AOPEP: variants seen among roughly 807,000 people sequenced by gnomAD.
AOPEP encodes aminopeptidase O.
A neutral mutation model predicts 98.1 loss-of-function variants in AOPEP; 77 were observed. The ratio of observed to expected loss-of-function variants is 0.78; its 90% CI spans 0.65 to 0.95. AOPEP has a LOEUF of 0.95. Ranked by LOEUF, AOPEP falls within the 40% of genes least tolerant of loss-of-function variation. The pLI is 0.00. For missense variants in AOPEP, 1,024 were observed against 1,024.7 expected (o/e 1.00, Z 0.01); for synonymous variants, 346 against 365.3 (o/e 0.95, Z 0.60).
At chr9:95,104,946 GTC>G in the AOPEP span, among the ~76,000 whole-genome samples, 4 of 152,200 alleles carry the variant, frequency 2.6e-5, no homozygotes, top group South Asian at 8.3e-4. Flanking sequence ...GCATGCATTT[GTC>G]TCTCGCGTCT....
chr9:94,739,745 C>T (rs1167209888), intron 1 of AOPEP, among the ~76,000 whole-genome samples: 1 of 152,114 alleles, frequency 6.6e-6, no homozygotes, highest in African/African-American at 2.4e-5. Context: ...GACCAGGCGT[C>T]TCTCCTTGTT....
the AOPEP span, among the ~76,000 whole-genome samples, chr9:95,129,676 C>G: frequency 1.3e-5 from 2 of 152,224 alleles, no homozygotes; most frequent in African/African-American, 4.8e-5. Flanking sequence ...TCTCTCTTCT[C>G]CATCTGGCCT....
chr9:94,933,025 A>G, intron 7 of AOPEP: 2 of 985,452 alleles, frequency 2.0e-6, no homozygotes, highest in South Asian at 4.7e-5. Context: ...TCTTTCCCAC[A>G]GATAAGACCC....
At chr9:95,008,577 G>A (rs953831911) in intron 13 of AOPEP, among the ~76,000 whole-genome samples, 1 of 152,192 alleles carries the variant, frequency 6.6e-6, no homozygotes, top group Non-Finnish European at 1.5e-5. Flanking sequence ...ACAAGGGGAA[G>A]CAAAACAAAC....
intron 5 of AOPEP, among the ~76,000 whole-genome samples, chr9:94,818,191 T>C (rs1852128509): frequency 2.0e-5 from 3 of 152,210 alleles, no homozygotes; most frequent in Non-Finnish European, 2.9e-5. Context: ...TCCAGAACTC[T>C]TGTGGATAAG....
At chr9:95,080,567 T>C (rs538294727) in intron 14 of AOPEP, 127 bp from the exon 15 acceptor site, 7 of 662,762 alleles carry the variant, frequency 1.1e-5, no homozygotes, top group South Asian at 9.2e-5. Context: ...TAAAACTAAG[T>C]GTGTCAACAA....
At chr9:94,815,266 T>C (rs1851450517) in intron 5 of AOPEP, among the ~76,000 whole-genome samples, 1 of 152,130 alleles carries the variant, frequency 6.6e-6, no homozygotes, top group Non-Finnish European at 1.5e-5. Flanking sequence ...TAACTAGAGA[T>C]TCATGAGTTA....
At chr9:94,757,116 C>T (rs1161762882) in intron 1 of AOPEP, among the ~76,000 whole-genome samples, 2 of 152,130 alleles carry the variant, frequency 1.3e-5, no homozygotes, top group African/African-American at 4.8e-5. Flanking sequence ...GCAGAATAAG[C>T]TTAATAAGCT....
intron 5 of AOPEP, among the ~76,000 whole-genome samples, chr9:94,868,530 C>T (rs925160057): frequency 6.6e-6 from 1 of 152,204 alleles, no homozygotes; most frequent in Non-Finnish European, 1.5e-5. Context: ...GGCAGACACA[C>T]ATAATTTGTG....
intron 13 of AOPEP, among the ~76,000 whole-genome samples, chr9:95,043,251 T>TGTATATATACATATATATACAG (rs2065503273): frequency 6.8e-6 from 1 of 147,632 alleles, no homozygotes; most frequent in Non-Finnish European, 1.5e-5. Context: ...TATATACAGA[T>TGTATATATACATATATATACAG]ATATATATAC....
intron 5 of AOPEP, among the ~76,000 whole-genome samples, chr9:94,814,782 A>G (rs1851348031): frequency 6.6e-6 from 1 of 152,230 alleles, no homozygotes; most frequent in African/African-American, 2.4e-5. Flanking sequence ...TCGGGTAAGT[A>G]TGGCATAAGG....
rs576888876 is a variant in AOPEP, at chr9:94,939,527, T to C, written c.1661+10996T>C. On this transcript the variant is annotated intron_variant, in intron 7 of 16. Coordinates refer to ENST00000375315, the MANE Select transcript of AOPEP (RefSeq NM_001193329.3). The stretch of plus-strand genomic sequence containing the variant: ...ACCCAGGATGGTAGGATGGGGTTTA[T>C]GAGAATGGCTGCCTGGATGAGTTCT... Among the ~76,000 whole-genome samples, 6 of 152,208 alleles carry C rather than the reference T, an allele frequency of 3.9e-5. No homozygotes were observed. In the East Asian group the frequency reaches 1.2e-3, roughly 29 times the overall value.
At chr9:95,041,636 G>A (rs879715153) in intron 13 of AOPEP, among the ~76,000 whole-genome samples, 13 of 152,026 alleles carry the variant, frequency 8.6e-5, no homozygotes, top group Admixed American at 7.2e-4. Context: ...ATTTCTTACC[G>A]GCTGTAATAA....
chr9:95,092,999 C>T, the AOPEP span, among the ~76,000 whole-genome samples: 1 of 152,144 alleles, frequency 6.6e-6, no homozygotes, highest in Non-Finnish European at 1.5e-5. Flanking sequence ...ACATGAATTA[C>T]GGCATAACTC....
chr9:94,775,338 C>A (rs1039096114), intron 3 of AOPEP, among the ~76,000 whole-genome samples: 2 of 150,180 alleles, frequency 1.3e-5, no homozygotes, highest in Non-Finnish European at 3.0e-5. Context: ...GCTAGATTAA[C>A]GTATGTACTG....
intron 1 of AOPEP, among the ~76,000 whole-genome samples, chr9:94,753,544 A>T (rs1431453937): frequency 6.6e-6 from 1 of 152,214 alleles, no homozygotes; most frequent in East Asian, 1.9e-4. Context: ...TAAAAAGCAG[A>T]AAAATAAAGC....
intron 13 of AOPEP, among the ~76,000 whole-genome samples, chr9:95,029,038 T>G (rs1352409732): frequency 6.6e-6 from 1 of 152,206 alleles, no homozygotes; most frequent in Non-Finnish European, 1.5e-5. Flanking sequence ...CAGGTAGCTG[T>G]GTGGGCAGGT....
chr9:95,021,167 A>G (rs571167901), intron 13 of AOPEP, among the ~76,000 whole-genome samples: 4 of 152,158 alleles, frequency 2.6e-5, no homozygotes, highest in African/African-American at 9.7e-5. Flanking sequence ...AGGCCAGATC[A>G]AACTACCCTC....
chr9:94,777,785 A>T (rs1004176144), intron 3 of AOPEP, among the ~76,000 whole-genome samples: 1 of 151,778 alleles, frequency 6.6e-6, no homozygotes, highest in Non-Finnish European at 1.5e-5. Flanking sequence ...CACCATGCCC[A>T]GCTAATTTTT....
Sources: gnomAD v4.1 joint callset for allele counts (sites outside exome capture counted in the v4.1 genomes callset) on GRCh38, gnomAD v4.1.1 for gene constraint, MANE v1.5 for transcripts, NCBI Gene and HGNC (gene_info 2026-07-23, HGNC 2026-07-21) for gene names.